The following PPFIA2 variants were observed in gnomAD, a reference collection of about 807,000 sequenced individuals.
The protein encoded by PPFIA2 is liprin-alpha-2.
PPFIA2 carries 46 observed loss-of-function variants against 175.5 expected under a neutral mutation model. The ratio of observed to expected loss-of-function variants is 0.26; its 90% CI spans 0.21 to 0.34. PPFIA2 has a LOEUF of 0.34. Ranked by LOEUF, PPFIA2 falls within the 10% of genes least tolerant of loss-of-function variation. The pLI is 1.00. For missense variants in PPFIA2, 1,179 were observed against 1,506.1 expected (o/e 0.78, Z 3.60); for synonymous variants, 568 against 511.4 (o/e 1.11, Z -1.49).
chr12:81,558,675 T>C (rs1054386886), intron 4 of PPFIA2, among the ~76,000 whole-genome samples: 1 of 152,082 alleles, frequency 6.6e-6, no homozygotes, highest in Non-Finnish European at 1.5e-5. Flanking sequence ...TTCCAAGATA[T>C]CTACAGGGAC....
intron 3 of PPFIA2, chr12:81,687,446 G>A (rs1596392254): frequency 6.6e-6 from 1 of 152,134 alleles, no homozygotes; most frequent in Non-Finnish European, 1.5e-5. Context: ...TTGAAACTCA[G>A]TCTAGGCACC....
chr12:81,319,982 C>A (rs2053298864), intron 22 of PPFIA2, among the ~76,000 whole-genome samples: 1 of 151,836 alleles, frequency 6.6e-6, no homozygotes, highest in Non-Finnish European at 1.5e-5. Context: ...ATAGAATACT[C>A]AGATGGGAAA....
At chr12:81,634,355 T>A (rs1207207210) in intron 4 of PPFIA2, among the ~76,000 whole-genome samples, 1 of 152,078 alleles carries the variant, frequency 6.6e-6, no homozygotes, top group Non-Finnish European at 1.5e-5. Context: ...TTCTGTAAGT[T>A]TATTTTGTGG....
At chr12:81,522,684 C>G (rs1336624434) in intron 4 of PPFIA2, among the ~76,000 whole-genome samples, 1 of 152,136 alleles carries the variant, frequency 6.6e-6, no homozygotes, top group African/African-American at 2.4e-5. Context: ...TAATCACTTC[C>G]CTGCCGTCCA....
At chr12:81,507,728 G>A (rs76939611) in intron 4 of PPFIA2, among the ~76,000 whole-genome samples, 13,897 of 152,066 alleles carry the variant, frequency 0.091, 831 homozygotes, top group Middle Eastern at 0.15. Context: ...TTTAGTCTAC[G>A]CTAGGCATAC....
At chr12:81,466,442 A>G (rs2146118961) in intron 4 of PPFIA2, among the ~76,000 whole-genome samples, 1 of 152,240 alleles carries the variant, frequency 6.6e-6, no homozygotes, top group African/African-American at 2.4e-5. Flanking sequence ...AGAATCTTTC[A>G]AAAAGTGGAT....
At chr12:81,341,253 C>A in intron 19 of PPFIA2, 45 bp from the exon 20 acceptor site, 1 of 1,576,610 alleles carries the variant, frequency 6.3e-7, no homozygotes, top group South Asian at 1.2e-5. Flanking sequence ...TTCTAAATTT[C>A]AGTTGAAATT....
chr12:81,559,294 G>A (rs1298397467), intron 4 of PPFIA2, among the ~76,000 whole-genome samples: 3 of 152,204 alleles, frequency 2.0e-5, no homozygotes, highest in Non-Finnish European at 2.9e-5. Flanking sequence ...GCATTTGCAC[G>A]TGTGGATGCA....
At chr12:81,288,816 G>A (rs2044134273) in intron 24 of PPFIA2, among the ~76,000 whole-genome samples, 1 of 151,654 alleles carries the variant, frequency 6.6e-6, no homozygotes, top group Non-Finnish European at 1.5e-5. Flanking sequence ...ATTATAATAA[G>A]AATGATATTT....
At chr12:81,575,199 T>C (rs74106658) in intron 4 of PPFIA2, among the ~76,000 whole-genome samples, 18,320 of 151,798 alleles carry the variant, frequency 0.12, 1,223 homozygotes, top group Middle Eastern at 0.13. Context: ...TATCCCCTTA[T>C]CCACAATGGA....
intron 24 of PPFIA2, among the ~76,000 whole-genome samples, chr12:81,287,183 G>A (rs1031492062): frequency 6.6e-6 from 1 of 151,764 alleles, no homozygotes; most frequent in African/African-American, 2.4e-5. Context: ...AATCTTAAAT[G>A]GCTTAAGCTT....
chr12:81,427,623 G>T (rs1040476930), intron 7 of PPFIA2, among the ~76,000 whole-genome samples: 2 of 151,992 alleles, frequency 1.3e-5, no homozygotes, highest in Admixed American at 6.6e-5. Flanking sequence ...AAAAGGAGAT[G>T]TAGTCGTGGG....
intron 4 of PPFIA2, among the ~76,000 whole-genome samples, chr12:81,460,742 A>G (rs1427263362): frequency 1.3e-5 from 2 of 152,150 alleles, no homozygotes; most frequent in Non-Finnish European, 2.9e-5. Context: ...AATAGGGTTA[A>G]CATTGATTGC....
At chr12:81,666,385 G>T (rs2070288527) in intron 4 of PPFIA2, among the ~76,000 whole-genome samples, 1 of 152,154 alleles carries the variant, frequency 6.6e-6, no homozygotes, top group Admixed American at 6.6e-5. Flanking sequence ...TGATAGACTG[G>T]ATTAAGAAAA....
rs1341922210 is a variant in PPFIA2 at position 81,405,782 on chromosome 12, C to T, written c.762+5G>A. ...CCATGTAAGAGCATGTGGGGTGTGTCATACCTTCTCATGGACTTTCTGTCC... is the reference window on the plus strand; with the variant it reads ...CCATGTAAGAGCATGTGGGGTGTGTTATACCTTCTCATGGACTTTCTGTCC... On this transcript the variant is annotated splice_donor_5th_base_variant and intron_variant, in intron 8 of 32. Transcript: ENST00000549396. 1.3e-6 allele frequency: 2 copies of T among 1,511,650 alleles called. No homozygotes were observed. The highest frequency in any genetic ancestry group is 4.8e-5 in the East Asian group (2 of 41,794). The allele number at this position is 1,511,650 out of a possible 1,614,324, so 93.6% of individuals were successfully genotyped here.
At chr12:81,638,166 A>G (rs993913908) in intron 4 of PPFIA2, among the ~76,000 whole-genome samples, 5 of 152,168 alleles carry the variant, frequency 3.3e-5, no homozygotes, top group African/African-American at 1.2e-4. Context: ...CACTTATGTC[A>G]TTTAATATTG....
chr12:81,605,763 C>A (rs1356459270), intron 4 of PPFIA2, among the ~76,000 whole-genome samples: 3 of 151,624 alleles, frequency 2.0e-5, no homozygotes, highest in Non-Finnish European at 4.4e-5. Context: ...AGTATCCATA[C>A]CCTTAGCTTT....
At chr12:81,575,513 T>A (rs1342041481) in intron 4 of PPFIA2, among the ~76,000 whole-genome samples, 1 of 151,856 alleles carries the variant, frequency 6.6e-6, no homozygotes, top group Non-Finnish European at 1.5e-5. Flanking sequence ...ATGAAACATT[T>A]ATTTTGTCAT....
intron 7 of PPFIA2, among the ~76,000 whole-genome samples, chr12:81,438,683 T>C (rs1188733471): frequency 6.6e-6 from 1 of 152,170 alleles, no homozygotes; most frequent in African/African-American, 2.4e-5. Flanking sequence ...TATTTTTTAT[T>C]GATCCATAAT....
Sources: gnomAD v4.1 joint callset for allele counts (sites outside exome capture counted in the v4.1 genomes callset) on GRCh38, gnomAD v4.1.1 for gene constraint, MANE v1.5 for transcripts, NCBI Gene and HGNC (gene_info 2026-07-23, HGNC 2026-07-21) for gene names.